The following MTSS1 variants were observed in gnomAD, a reference collection of about 807,000 sequenced individuals.
MTSS1 encodes the protein MTSS I-BAR domain containing 1.
A neutral mutation model predicts 79.0 loss-of-function variants in MTSS1; 18 were observed. That is an observed-to-expected ratio of 0.23 (90% CI 0.16 to 0.34). MTSS1 has a LOEUF of 0.34. Among genes scored for constraint, MTSS1 ranks in the 10% least tolerant of loss-of-function variants. MTSS1 has a pLI of 1.00. For synonymous variants in MTSS1, 341 were observed against 368.6 expected (o/e 0.93, Z 0.86); for missense variants, 815 against 986.2 (o/e 0.83, Z 2.33).
At chr8:124,721,206 A>G (rs865999890) in intron 1 of MTSS1, among the ~76,000 whole-genome samples, 57 of 152,312 alleles carry the variant, frequency 3.7e-4, no homozygotes, top group Middle Eastern at 3.4e-3. Context: ...GACTAAAAAT[A>G]AAGTCAATTC....
chr8:124,636,043 G>T (rs1216518889), intron 3 of MTSS1, among the ~76,000 whole-genome samples: 1 of 152,040 alleles, frequency 6.6e-6, no homozygotes, highest in African/African-American at 2.4e-5. Context: ...GGGTGCATTC[G>T]ACAGGCTCCT....
rs184073300 is a variant in MTSS1, at chr8:124,664,347, C to T, written c.208+35179G>A. 2.6e-5 allele frequency among the ~76,000 whole-genome samples: 4 copies of T among 152,362 alleles called. No individual in the cohort carries two copies. In the East Asian group the frequency reaches 7.7e-4, roughly 29 times the overall value. On this transcript the variant is annotated intron_variant, in intron 3 of 13. Transcript: ENST00000518547. ...GGCCCGTCTCTAGATAAATGCTCCT[C>T]TACCACAGTGCCAGAGGCTGCTTCT...
chr8:124,627,819 C>G (rs1355949260), intron 3 of MTSS1, among the ~76,000 whole-genome samples: 2 of 152,200 alleles, frequency 1.3e-5, no homozygotes, highest in African/African-American at 4.8e-5. Context: ...GTGAACTGCG[C>G]TTTAGAAAGA....
At chr8:124,604,483 C>A (rs1221578566) in intron 3 of MTSS1, among the ~76,000 whole-genome samples, 2 of 152,024 alleles carry the variant, frequency 1.3e-5, no homozygotes, top group Non-Finnish European at 2.9e-5. Context: ...AAAAATAAAC[C>A]CATAAAGCCC....
intron 6 of MTSS1, among the ~76,000 whole-genome samples, chr8:124,572,431 G>C (rs1827975355): frequency 6.6e-6 from 1 of 152,148 alleles, no homozygotes; most frequent in South Asian, 2.1e-4. Flanking sequence ...TTTTAAGATA[G>C]AGTGATCTTT....
chr8:124,564,678 GTCTC>G (rs1370769258), intron 9 of MTSS1: 2 of 63,102 alleles, frequency 3.2e-5, no homozygotes, highest in African/African-American at 8.7e-5. Context: ...CAATAAAAAG[GTCTC>G]TCTTTCACTC....
intron 6 of MTSS1, among the ~76,000 whole-genome samples, chr8:124,572,514 A>G (rs1171017210): frequency 6.6e-6 from 1 of 152,108 alleles, no homozygotes; most frequent in South Asian, 2.1e-4. Flanking sequence ...CTTCACTCCC[A>G]TCGGCAGTGT....
intron 3 of MTSS1, among the ~76,000 whole-genome samples, chr8:124,662,415 C>G (rs1822223123): frequency 6.6e-6 from 1 of 152,160 alleles, no homozygotes; most frequent in South Asian, 2.1e-4. Flanking sequence ...ATACTGTATG[C>G]CATACACAGC....
chr8:124,553,233 G>T lies in MTSS1; in HGVS notation c.2027C>A (p.Pro676Gln), dbSNP rs151016520. ...CTCAGGGATACTGGGCTTCGGGCCT[G>T]GAAGTGGAGGGTTAACGGAAGCTTG... Reference protein sequence around the residue: ...SGQASVNPPLPGPKPSIPEEH... With the variant: ...SGQASVNPPLQGPKPSIPEEH... Residue 676 changes from proline to glutamine, a missense_variant, in exon 14 of 14, where the codon CCA (proline) becomes CAA (glutamine). By Grantham distance (76) the Pro-to-Gln change is moderately conservative (BLOSUM62 -1). Coordinates refer to ENST00000518547, the MANE Select transcript of MTSS1 (RefSeq NM_014751.6). The surrounding 1 kb of genome is among the most constrained non-coding windows in gnomAD (Gnocchi z 6.0). 70 of 1,614,180 alleles carry T rather than the reference G, an allele frequency of 4.3e-5. No homozygotes were observed. The highest frequency in any genetic ancestry group is 5.6e-5 in the Non-Finnish European group (66 of 1,180,046).
At chr8:124,571,375 G>C (rs1021680728) in intron 6 of MTSS1, among the ~76,000 whole-genome samples, 2 of 152,232 alleles carry the variant, frequency 1.3e-5, no homozygotes, top group African/African-American at 4.8e-5. Flanking sequence ...CACCAGCAGG[G>C]AAGCTCTGGA....
intron 3 of MTSS1, among the ~76,000 whole-genome samples, chr8:124,664,429 C>A (rs906836740): frequency 6.6e-6 from 1 of 152,200 alleles, no homozygotes; most frequent in African/African-American, 2.4e-5. Flanking sequence ...CTAGTCTGAA[C>A]CCAACCATTT....
chr8:124,575,627 G>C (rs1055286384), intron 6 of MTSS1, among the ~76,000 whole-genome samples: 1 of 151,992 alleles, frequency 6.6e-6, no homozygotes, highest in Non-Finnish European at 1.5e-5. Flanking sequence ...TCAGTTCAAG[G>C]TCGTTTTTGA....
intron 3 of MTSS1, among the ~76,000 whole-genome samples, chr8:124,605,343 G>A (rs1834610412): frequency 6.6e-6 from 1 of 152,242 alleles, no homozygotes; most frequent in South Asian, 2.1e-4. Flanking sequence ...CTGTCGGGTA[G>A]ATAAGATGCT....
intron 3 of MTSS1, among the ~76,000 whole-genome samples, chr8:124,603,118 C>T (rs893529967): frequency 2.0e-5 from 3 of 152,314 alleles, no homozygotes; most frequent in East Asian, 3.9e-4. Context: ...CTACACCTCC[C>T]GGGTTCAAGC....
At chr8:124,706,738 C>A (rs1292450960) in intron 1 of MTSS1, among the ~76,000 whole-genome samples, 1 of 152,226 alleles carries the variant, frequency 6.6e-6, no homozygotes, top group Non-Finnish European at 1.5e-5. Flanking sequence ...GTTACTTCCA[C>A]CCAAGAGCAG....
intron 3 of MTSS1, among the ~76,000 whole-genome samples, chr8:124,593,581 A>G (rs1832233693): frequency 6.6e-6 from 1 of 152,232 alleles, no homozygotes; most frequent in Non-Finnish European, 1.5e-5. Flanking sequence ...GTAATTTAAA[A>G]CACTGGAGAA....
At chr8:124,570,854 T>A (rs544030636) in intron 6 of MTSS1, among the ~76,000 whole-genome samples, 317 of 152,212 alleles carry the variant, frequency 2.1e-3, no homozygotes, top group African/African-American at 6.9e-3. Context: ...AATTTTTTTT[T>A]ATAAAGATTG....
At chr8:124,560,323 A>G (rs1421137043) in intron 10 of MTSS1, among the ~76,000 whole-genome samples, 1 of 152,146 alleles carries the variant, frequency 6.6e-6, no homozygotes, top group Non-Finnish European at 1.5e-5. Flanking sequence ...GAATTGGAGA[A>G]CAGCCTGGGC....
intron 3 of MTSS1, among the ~76,000 whole-genome samples, chr8:124,672,032 C>T (rs1037541157): frequency 2.6e-5 from 4 of 152,182 alleles, no homozygotes; most frequent in African/African-American, 9.7e-5. Context: ...AAAAATCCAG[C>T]AGCTACATCC....
Sources: allele counts gnomAD v4.1 joint callset (sites outside exome capture counted in the v4.1 genomes callset), GRCh38; gene constraint gnomAD v4.1.1; non-coding constraint Gnocchi (gnomAD v3.1); transcripts MANE v1.5; gene names NCBI Gene and HGNC (gene_info 2026-07-23, HGNC 2026-07-21).